MED29: variants seen among roughly 807,000 people sequenced by gnomAD.
MED29 encodes mediator complex subunit 29, also known as mediator of RNA polymerase II transcription subunit 29.
Under a neutral mutation model 22.0 loss-of-function variants are expected in MED29, and 14 were observed. That is an observed-to-expected ratio of 0.64 (90% CI 0.42 to 0.99). The LOEUF is 0.99. Among genes scored for constraint, MED29 ranks in the 50% least tolerant of loss-of-function variants. The pLI is 0.00. For synonymous variants in MED29, 123 were observed against 107.8 expected (o/e 1.14, Z -0.87); for missense variants, 241 against 253.7 (o/e 0.95, Z 0.34).
intron 3 of MED29, among the ~76,000 whole-genome samples, chr19:39,395,148 G>A (rs1600625724): frequency 6.6e-6 from 1 of 152,200 alleles, no homozygotes; most frequent in East Asian, 1.9e-4. Context: ...TGCCGGGCCT[G>A]GCCTGGGTTT....
rs2078435639 is a variant in MED29, at chr19:39,397,577, C to T, written c.481C>T (p.Leu161=). 1 of 1,613,720 alleles carries T rather than the reference C, an allele frequency of 6.2e-7. No individual in the cohort carries two copies. The highest frequency in any genetic ancestry group is 8.5e-7 in the Non-Finnish European group (1 of 1,180,032). ...TGACAGCCTCCCCTACCCACAGTAC[C>T]TGGCGGTCATCAAAGCCCAGATTTC... ...QPDSLPYPQY[L]AVIKAQISCA... is the part of the protein sequence containing the mutation. Residue 161 remains leucine (L), a synonymous_variant, in exon 4 of 4, where the codon CTG becomes TTG. Coordinates refer to ENST00000315588, the MANE Select transcript of MED29 (RefSeq NM_017592.4).
rs541186746 is a variant in MED29, at chr19:39,398,501, G to A, written c.*802G>A. On this transcript the variant is annotated 3_prime_UTR_variant, in exon 4 of 4. Transcript: ENST00000315588. Reference sequence around the variant, plus strand: ...CAAGGCTGGCCCAGCTGGATGCCTGGGTCCCAGTATTTTTAGCCCCAAAGG... The same window carrying A: ...CAAGGCTGGCCCAGCTGGATGCCTGAGTCCCAGTATTTTTAGCCCCAAAGG... The A allele has an allele frequency of 6.5e-6, 1 of 152,848 alleles. No individual in the cohort carries two copies. Among genetic ancestry groups the A allele is most frequent in the South Asian group, 2.1e-4 (1 of 4,834 alleles). 9.5% of individuals were successfully genotyped at this position (152,848 alleles called of 1,614,324 possible).
At chr19:39,397,035 A>AC (rs2078432380) in intron 3 of MED29, among the ~76,000 whole-genome samples, 1 of 125,476 alleles carries the variant, frequency 8.0e-6, no homozygotes, top group African/African-American at 3.5e-5. Context: ...TCTCAAAAAA[A>AC]AAAAAGAAAG....
rs146553858 is a variant in MED29 at position 39,394,914 on chromosome 19, G to A, written c.360+1277G>A. ...CTCACTGTGTCGCCCGGGCTGGACTGCAGTGGCACAGTCTCGGCTCACTGC... is the reference window on the plus strand; with the variant it reads ...CTCACTGTGTCGCCCGGGCTGGACTACAGTGGCACAGTCTCGGCTCACTGC... On this transcript the variant is annotated intron_variant, in intron 3 of 3. Transcript: ENST00000315588. 2.0e-3 allele frequency among the ~76,000 whole-genome samples: 307 copies of A among 150,938 alleles called. 1 individual carries two copies. The highest frequency in any genetic ancestry group is 6.8e-3 in the Middle Eastern group (2 of 292).
Position 39,397,935 on chromosome 19 carries a change from T to C in MED29, c.*236T>C. The C allele has an allele frequency of 1.5e-6, 1 of 652,836 alleles. No individual in the cohort carries two copies. The highest frequency in any genetic ancestry group is 2.1e-5 in the South Asian group (1 of 47,040). The allele number at this position is 652,836 out of a possible 1,614,324, so 40.4% of individuals were successfully genotyped here. A position where few individuals can be genotyped will look rare whatever the true frequency, so the allele number is the denominator to read the frequency against. On this transcript the variant is annotated 3_prime_UTR_variant, in exon 4 of 4. Transcript: ENST00000315588. The stretch of plus-strand genomic sequence containing the variant: ...GTAGACTTTGAACTGTGTGTGTTGA[T>C]GACTTCTCTGTTCCACAGGCCCTCC...
At position 39,397,870 on chromosome 19, in the gene MED29, C is replaced by G; in HGVS notation, c.*171C>G. 1.8e-6 allele frequency: 2 copies of G among 1,091,426 alleles called. No individual in the cohort carries two copies. The highest frequency in any genetic ancestry group is 2.6e-6 in the Non-Finnish European group (2 of 782,106). The allele number at this position is 1,091,426 out of a possible 1,614,324, so 67.6% of individuals were successfully genotyped here. On this transcript the variant is annotated 3_prime_UTR_variant, in exon 4 of 4. Transcript: ENST00000315588. The stretch of plus-strand genomic sequence containing the variant: ...AGGGAGCTCGCAGGCCGGGCCCCTG[C>G]GTCCCTGCCCCTTCTTCCTGCTCCC...
intron 2 of MED29, chr19:39,392,804 T>C: frequency 2.6e-6 from 1 of 380,092 alleles, no homozygotes; most frequent in Non-Finnish European, 4.7e-6. Context: ...GGCTAATTTG[T>C]AAGATTTTTT....
In MED29 at chr19:39,397,864, C is replaced by CCCCTGCGT; in HGVS notation, c.*172_*179dup. 8.7e-7 allele frequency: 1 copy of CCCCTGCGT among 1,153,524 alleles called. No individual in the cohort carries two copies. The highest frequency in any genetic ancestry group is 1.2e-6 in the Non-Finnish European group (1 of 836,794). The allele number at this position is 1,153,524 out of a possible 1,614,324, so 71.5% of individuals were successfully genotyped here. On this transcript the variant is annotated 3_prime_UTR_variant, in exon 4 of 4. Coordinates refer to ENST00000315588, the MANE Select transcript of MED29 (RefSeq NM_017592.4). ...GCCAACAGGGAGCTCGCAGGCCGGG[C>CCCCTGCGT]CCCTGCGTCCCTGCCCCTTCTTCCT... is the stretch of plus-strand genomic sequence containing the variant.
intron 3 of MED29, among the ~76,000 whole-genome samples, chr19:39,394,751 A>G (rs555241262): frequency 4.0e-5 from 6 of 150,984 alleles, no homozygotes; most frequent in Admixed American, 4.0e-4. Flanking sequence ...TTTAGTAGAG[A>G]TGGGGTTTCA....
intron 3 of MED29, 89 bp from the exon 4 acceptor site, chr19:39,397,368 C>A (rs1054752037): frequency 2.1e-6 from 3 of 1,435,540 alleles, no homozygotes; most frequent in East Asian, 4.6e-5. Flanking sequence ...AATCCAGAGG[C>A]CAAGCCGACA....
chr19:39,392,644 T>TTTTTTA (rs2078398342), intron 2 of MED29, 122 bp downstream of exon 2: 1 of 794,834 alleles, frequency 1.3e-6, no homozygotes, highest in African/African-American at 1.8e-5. Flanking sequence ...TTTTTTTTTT[T>TTTTTTA]GAGACAGGGT....
At chr19:39,396,166 C>T (rs186891235) in intron 3 of MED29, among the ~76,000 whole-genome samples, 1 of 152,112 alleles carries the variant, frequency 6.6e-6, no homozygotes, top group Non-Finnish European at 1.5e-5. Context: ...GCTGGTCAGG[C>T]GCGGTGGCTT....
Position 39,397,757 on chromosome 19 carries a change from A to T in MED29, c.*58A>T, listed in dbSNP as rs763153219. 2 of 1,576,658 alleles carry T rather than the reference A, an allele frequency of 1.3e-6. No homozygotes were observed. Among genetic ancestry groups the T allele is most frequent in the Non-Finnish European group, 8.6e-7 (1 of 1,165,014 alleles). ...TGGTGGGTGGTGTGCAAAGGGAATG[A>T]AGAGCGTCCTGGGCCTAAACACAGC... On this transcript the variant is annotated 3_prime_UTR_variant, in exon 4 of 4. Coordinates refer to ENST00000315588, the MANE Select transcript of MED29 (RefSeq NM_017592.4).
Position 39,397,791 on chromosome 19 carries a change from C to G in MED29, c.*92C>G, listed in dbSNP as rs753661254. The stretch of plus-strand genomic sequence containing the variant: ...CTGGGCCTAAACACAGCAGCCTCCT[C>G]TCTTCCTGCCTGAGCACCGCAGCGG... On this transcript the variant is annotated 3_prime_UTR_variant, in exon 4 of 4. Transcript: ENST00000315588. 2 of 1,502,928 alleles carry G rather than the reference C, an allele frequency of 1.3e-6. No homozygotes were observed. The highest frequency in any genetic ancestry group is 2.0e-5 in the Admixed American group (1 of 49,702). The allele number at this position is 1,502,928 out of a possible 1,614,324, so 93.1% of individuals were successfully genotyped here.
rs994310674 is a variant in MED29 at position 39,399,492 on chromosome 19, C to T, written c.*1793C>T. The T allele has an allele frequency of 2.0e-5, 3 of 152,224 alleles. No homozygotes were observed. The highest frequency in any genetic ancestry group is 7.2e-5 in the African/African-American group (3 of 41,412). The allele number at this position is 152,224 out of a possible 1,614,324, so 9.4% of individuals were successfully genotyped here. ...GAGGTTGCAGTGAGCCAAGATCACACTATTGCACTCCAGCCTGGGCGACAG... is the reference window on the plus strand; with the variant it reads ...GAGGTTGCAGTGAGCCAAGATCACATTATTGCACTCCAGCCTGGGCGACAG... On this transcript the variant is annotated 3_prime_UTR_variant, in exon 4 of 4. Coordinates refer to ENST00000315588, the MANE Select transcript of MED29 (RefSeq NM_017592.4).
intron 3 of MED29, among the ~76,000 whole-genome samples, chr19:39,395,649 T>G (rs1260844852): frequency 6.6e-6 from 1 of 152,158 alleles, no homozygotes; most frequent in Non-Finnish European, 1.5e-5. Flanking sequence ...CTGGGCCCGG[T>G]GATTCATGCC....
chr19:39,400,235 C>T lies in MED29; in HGVS notation c.*2536C>T, dbSNP rs973682205. 6.6e-6 allele frequency: 1 copy of T among 152,108 alleles called. No individual in the cohort carries two copies. The highest frequency in any genetic ancestry group is 1.5e-5 in the Non-Finnish European group (1 of 68,036). The allele number at this position is 152,108 out of a possible 1,614,324, so 9.4% of individuals were successfully genotyped here. ...ATCTGCAAAAAATTCAAAAATTAGC[C>T]AGGTGTGGTGGTGCGTGCCCAGGTT... On this transcript the variant is annotated 3_prime_UTR_variant, in exon 4 of 4. Coordinates refer to ENST00000315588, the MANE Select transcript of MED29 (RefSeq NM_017592.4).
At position 39,392,318 on chromosome 19, in the gene MED29, G is replaced by A. The variant is rs1258158550; in HGVS notation, c.217-146G>A. On this transcript the variant is annotated intron_variant, in intron 1 of 3. Transcript: ENST00000315588. ...TGGTGACAGCTATAGGAATGGAAACGAATATTACTTTGGAAAGTCAGGAGG... is the reference window on the plus strand; with the variant it reads ...TGGTGACAGCTATAGGAATGGAAACAAATATTACTTTGGAAAGTCAGGAGG... 5.6e-6 allele frequency: 4 copies of A among 712,876 alleles called. No individual in the cohort carries two copies. In the East Asian group the frequency reaches 8.1e-5, roughly 14 times the overall value. The allele number at this position is 712,876 out of a possible 1,614,324, so 44.2% of individuals were successfully genotyped here.
chr19:39,391,671 G>A (rs1292475157), intron 1 of MED29, 33 bp downstream of exon 1: 1 of 1,545,942 alleles, frequency 6.5e-7, no homozygotes, highest in Non-Finnish European at 8.7e-7. Context: ...AAGCAAACTG[G>A]ATTTGGTAGT....
Sources: allele counts gnomAD v4.1 joint callset (sites outside exome capture counted in the v4.1 genomes callset), GRCh38; gene constraint gnomAD v4.1.1; transcripts MANE v1.5; gene names NCBI Gene and HGNC (gene_info 2026-07-23, HGNC 2026-07-21).